The following TAFA5 variants were observed in gnomAD, a reference collection of about 807,000 sequenced individuals.
TAFA5 encodes the protein chemokine-like protein TAFA-5.
TAFA5 carries 6 observed loss-of-function variants against 15.3 expected under a neutral mutation model. The ratio of observed to expected loss-of-function variants is 0.39; its 90% CI spans 0.21 to 0.77. TAFA5 has a LOEUF of 0.77. Ranked by LOEUF, TAFA5 falls within the 30% of genes least tolerant of loss-of-function variation. The pLI, the probability that TAFA5 is intolerant of heterozygous loss-of-function variation, is 0.41. For missense variants in TAFA5, 161 were observed against 193.1 expected, an observed-to-expected ratio of 0.83 and a Z score of 0.98; for synonymous variants, 103 against 80.7, an observed-to-expected ratio of 1.28 and a Z score of -1.48.
intron 3 of TAFA5, among the ~76,000 whole-genome samples, chr22:48,718,910 G>A (rs1176333031): frequency 2.0e-5 from 3 of 152,238 alleles, no homozygotes; most frequent in Non-Finnish European, 4.4e-5. Flanking sequence ...CCCTGCCCCC[G>A]GCTCACTGTC....
At chr22:48,536,158 G>A (rs927545697) in intron 1 of TAFA5, among the ~76,000 whole-genome samples, 2 of 152,234 alleles carry the variant, frequency 1.3e-5, no homozygotes, top group Admixed American at 1.3e-4. Context: ...TGTAGGTGTG[G>A]GTCTCTGTCT....
chr22:48,665,952 C>T (rs933007688), intron 2 of TAFA5, among the ~76,000 whole-genome samples: 7 of 152,182 alleles, frequency 4.6e-5, no homozygotes, highest in African/African-American at 1.7e-4. Flanking sequence ...ACGCCCCCAT[C>T]GCCCCCACCC....
intron 2 of TAFA5, among the ~76,000 whole-genome samples, chr22:48,672,348 G>A (rs928855828): frequency 6.6e-6 from 1 of 152,220 alleles, no homozygotes; most frequent in Non-Finnish European, 1.5e-5. Flanking sequence ...AATTTGGACA[G>A]TAGAGAAAAT....
At chr22:48,678,313 T>C (rs1485676885) in intron 2 of TAFA5, among the ~76,000 whole-genome samples, 6 of 152,152 alleles carry the variant, frequency 3.9e-5, no homozygotes, top group Admixed American at 2.0e-4. Flanking sequence ...TGCCCCGGGC[T>C]CCACACCTGG....
chr22:48,650,717 C>T (rs1325399084), intron 2 of TAFA5, among the ~76,000 whole-genome samples: 3 of 152,164 alleles, frequency 2.0e-5, no homozygotes, highest in East Asian at 1.9e-4. Context: ...ATCCAACTTA[C>T]GGAACCATCA....
At chr22:48,714,542 G>C (rs754297715) in intron 3 of TAFA5, among the ~76,000 whole-genome samples, 1 of 152,188 alleles carries the variant, frequency 6.6e-6, no homozygotes, top group African/African-American at 2.4e-5. Flanking sequence ...GCTCATGCTA[G>C]AGAGGGAGAG....
intron 1 of TAFA5, among the ~76,000 whole-genome samples, chr22:48,625,075 A>G (rs529068833): frequency 2.3e-4 from 35 of 151,790 alleles, no homozygotes; most frequent in South Asian, 1.5e-3. Flanking sequence ...AGATTGCTTC[A>G]CTGCACTCCA....
At chr22:48,638,597 C>G (rs867369414) in intron 1 of TAFA5, among the ~76,000 whole-genome samples, 476 of 129,254 alleles carry the variant, frequency 3.7e-3, no homozygotes, top group Middle Eastern at 0.021. Context: ...CACACACAGG[C>G]AATACCCCTC....
intron 1 of TAFA5, among the ~76,000 whole-genome samples, chr22:48,601,065 A>C (rs1924952506): frequency 6.6e-6 from 1 of 152,214 alleles, no homozygotes; most frequent in Non-Finnish European, 1.5e-5. Flanking sequence ...ATTTACAGAG[A>C]GACTCACGTG....
chr22:48,742,273 C>T lies in TAFA5; in HGVS notation c.391-7566C>T, dbSNP rs546964994. Reference sequence around the variant, plus strand: ...TCATCCTTCACCAGGCACAGGTGCACGGGGCCCCTGCCAGGTTCGGGAAAA... The same window carrying T: ...TCATCCTTCACCAGGCACAGGTGCATGGGGCCCCTGCCAGGTTCGGGAAAA... On this transcript the variant is annotated intron_variant, in intron 3 of 3. Coordinates refer to ENST00000402357, the MANE Select transcript of TAFA5 (RefSeq NM_001082967.3). This position sits in a 1 kb window ranked among gnomAD's most constrained non-coding sequence, Gnocchi z 6.2. Among the ~76,000 whole-genome samples, 5 of 152,256 alleles carry T rather than the reference C, an allele frequency of 3.3e-5. No individual in the cohort carries two copies. In the South Asian group the frequency reaches 8.3e-4, roughly 25 times the overall value.
intron 1 of TAFA5, among the ~76,000 whole-genome samples, chr22:48,542,491 G>GC (rs1271990603): frequency 1.0e-5 from 1 of 99,838 alleles, no homozygotes; most frequent in African/African-American, 3.7e-5. Context: ...GTGTGTGTGT[G>GC]GTGTGTGTGC....
At chr22:48,581,973 G>A (rs868552584) in intron 1 of TAFA5, among the ~76,000 whole-genome samples, 3 of 152,136 alleles carry the variant, frequency 2.0e-5, no homozygotes, top group African/African-American at 7.2e-5. Context: ...GCAGCTGTGG[G>A]TCTGCGTGGA....
chr22:48,741,070 G>A (rs1237194306), intron 3 of TAFA5, among the ~76,000 whole-genome samples: 2 of 152,212 alleles, frequency 1.3e-5, no homozygotes, highest in East Asian at 1.9e-4. Context: ...CGCTCACAGC[G>A]CTGTTGTGTT....
chr22:48,558,128 G>A (rs1010472200), intron 1 of TAFA5, among the ~76,000 whole-genome samples: 5 of 152,190 alleles, frequency 3.3e-5, no homozygotes, highest in Non-Finnish European at 7.3e-5. Flanking sequence ...CAGATGGAGA[G>A]CAAGCCGGGC....
At chr22:48,531,247 CCA>C (rs1199879703) in intron 1 of TAFA5, among the ~76,000 whole-genome samples, 3 of 152,228 alleles carry the variant, frequency 2.0e-5, no homozygotes, top group African/African-American at 7.2e-5. Flanking sequence ...GAGCTGAGCC[CCA>C]GTCCCAGGCT....
chr22:48,548,029 C>T (rs926007887), intron 1 of TAFA5, among the ~76,000 whole-genome samples: 2 of 152,178 alleles, frequency 1.3e-5, no homozygotes, highest in Non-Finnish European at 2.9e-5. Flanking sequence ...CCTGCGTCTT[C>T]GGAGGTCCCA....
At chr22:48,500,712 G>A (rs1182830459) in intron 1 of TAFA5, among the ~76,000 whole-genome samples, 4 of 152,354 alleles carry the variant, frequency 2.6e-5, no homozygotes, top group South Asian at 4.1e-4. Flanking sequence ...TATCTAGCTC[G>A]TAGTAGCACT....
At chr22:48,536,660 G>C (rs1922176598) in intron 1 of TAFA5, among the ~76,000 whole-genome samples, 1 of 152,254 alleles carries the variant, frequency 6.6e-6, no homozygotes, top group Non-Finnish European at 1.5e-5. Context: ...CAGCATGCCT[G>C]TCTTCATCTG....
intron 2 of TAFA5, among the ~76,000 whole-genome samples, chr22:48,669,023 G>C (rs1927716751): frequency 6.6e-6 from 1 of 152,216 alleles, no homozygotes; most frequent in South Asian, 2.1e-4. Context: ...GCTGGTGAGA[G>C]GGGAGCCCTC....
Sources: allele counts gnomAD v4.1 joint callset (sites outside exome capture counted in the v4.1 genomes callset), GRCh38; gene constraint gnomAD v4.1.1; non-coding constraint Gnocchi (gnomAD v3.1); transcripts MANE v1.5; gene names NCBI Gene and HGNC (gene_info 2026-07-23, HGNC 2026-07-21).